CYBRD1: variants seen among roughly 807,000 people sequenced by gnomAD.
CYBRD1 encodes the protein plasma membrane ascorbate-dependent reductase CYBRD1.
Under a neutral mutation model 21.9 loss-of-function variants are expected in CYBRD1, and 14 were observed. That is an observed-to-expected ratio of 0.64 (90% CI 0.42 to 1.00). CYBRD1 has a LOEUF of 1.00. Ranked by LOEUF, CYBRD1 falls within the 50% of genes least tolerant of loss-of-function variation. CYBRD1 has a pLI of 0.00. For synonymous variants in CYBRD1, 146 were observed against 136.5 expected (o/e 1.07, Z -0.48); for missense variants, 328 against 352.5 (o/e 0.93, Z 0.56).
intron 1 of CYBRD1, chr2:171,523,334 G>T (rs1197594174): frequency 2.8e-6 from 1 of 359,274 alleles, no homozygotes; most frequent in Non-Finnish European, 5.6e-6. Context: ...GGCCAAGGGG[G>T]GCGAGTGAAG....
rs77063544 is a variant in CYBRD1, at chr2:171,537,874, A to G, written c.194-3711A>G. Among the ~76,000 whole-genome samples, 1,364 of 152,324 alleles carry G rather than the reference A, an allele frequency of 9.0e-3. 20 individuals are homozygous for G. The highest frequency in any genetic ancestry group is 0.028 in the African/African-American group (1,143 of 41,550). On this transcript the variant is annotated intron_variant, in intron 1 of 3. Coordinates refer to ENST00000321348, the MANE Select transcript of CYBRD1 (RefSeq NM_024843.4). ...ATTGAATGTTTTCAACAAAAAGAAAAGAGTTTGAGGTGATAAATATGCTAA... is the reference window on the plus strand; with the variant it reads ...ATTGAATGTTTTCAACAAAAAGAAAGGAGTTTGAGGTGATAAATATGCTAA...
At chr2:171,526,128 G>A (rs186688458) in intron 1 of CYBRD1, among the ~76,000 whole-genome samples, 20 of 152,108 alleles carry the variant, frequency 1.3e-4, no homozygotes, top group African/African-American at 4.8e-4. Flanking sequence ...TTAGCTGGGC[G>A]TGGTGGCAGG....
chr2:171,528,299 G>C (rs1697414264), intron 1 of CYBRD1, among the ~76,000 whole-genome samples: 2 of 151,890 alleles, frequency 1.3e-5, no homozygotes, highest in Non-Finnish European at 1.5e-5. Flanking sequence ...TGGTCAGGCT[G>C]GTCTTGAACT....
chr2:171,556,317 T>C lies in CYBRD1; in HGVS notation c.*1490T>C, dbSNP rs1286881387. On this transcript the variant is annotated 3_prime_UTR_variant, in exon 4 of 4. Coordinates refer to ENST00000321348, the MANE Select transcript of CYBRD1 (RefSeq NM_024843.4). Reference sequence around the variant, plus strand: ...CTGATTTTTATGGAATTTTAGGGGATATTTTGAGCTTTGGGTTCTCAGTAG... The same window carrying C: ...CTGATTTTTATGGAATTTTAGGGGACATTTTGAGCTTTGGGTTCTCAGTAG... 1 of 134,920 alleles carries C rather than the reference T, an allele frequency of 7.4e-6. No homozygotes were observed. Among genetic ancestry groups the C allele is most frequent in the African/African-American group, 2.9e-5 (1 of 34,690 alleles). The allele number at this position is 134,920 out of a possible 1,614,324, so 8.4% of individuals were successfully genotyped here.
intron 1 of CYBRD1, chr2:171,541,046 G>A (rs1281089218): frequency 1.8e-5 from 3 of 169,568 alleles, no homozygotes; most frequent in Admixed American, 5.7e-5. Context: ...TTACAGGCAT[G>A]AGCCACTGGG....
chr2:171,522,540 G>T lies in CYBRD1; in HGVS notation c.-6G>T. The T allele has an allele frequency of 1.9e-6, 3 of 1,592,974 alleles. No homozygotes were observed. The highest frequency in any genetic ancestry group is 2.6e-6 in the Non-Finnish European group (3 of 1,171,028). On this transcript the variant is annotated 5_prime_UTR_variant, in exon 1 of 4. Transcript: ENST00000321348. This position sits in a 1 kb window ranked among gnomAD's most constrained non-coding sequence, Gnocchi z 4.3. Reference sequence around the variant, plus strand: ...TGGCCCCCGCGGTGCGGAGTATGGGGCGCTGATGGCCATGGAGGGCTACTG... The same window carrying T: ...TGGCCCCCGCGGTGCGGAGTATGGGTCGCTGATGGCCATGGAGGGCTACTG...
chr2:171,551,045 C>A, intron 2 of CYBRD1: 1 of 220,994 alleles, frequency 4.5e-6, no homozygotes, highest in Non-Finnish European at 8.8e-6. Flanking sequence ...CAACCTCCAT[C>A]TCCAGGACTC....
At chr2:171,537,497 T>C (rs1697561889) in intron 1 of CYBRD1, among the ~76,000 whole-genome samples, 1 of 152,186 alleles carries the variant, frequency 6.6e-6, no homozygotes, top group Non-Finnish European at 1.5e-5. Context: ...ACAATACTTA[T>C]GGGTCACACA....
chr2:171,553,449 C>T lies in CYBRD1; in HGVS notation c.506C>T (p.Thr169Ile). 6.2e-7 allele frequency: 1 copy of T among 1,613,630 alleles called. No homozygotes were observed. The highest frequency in any genetic ancestry group is 8.5e-7 in the Non-Finnish European group (1 of 1,179,716). Residue 169 changes from threonine (T) to isoleucine (I), a missense_variant, in exon 3 of 4, where the codon ACA becomes ATA. Coordinates refer to ENST00000321348, the MANE Select transcript of CYBRD1 (RefSeq NM_024843.4). ...HVYSGIVIFG[T>I]VIATALMGLT... Reference sequence around the variant, plus strand: ...TATTCTGGAATTGTCATCTTTGGAACAGTGATTGCAACAGCACTTATGGGA... The same window carrying T: ...TATTCTGGAATTGTCATCTTTGGAATAGTGATTGCAACAGCACTTATGGGA...
intron 1 of CYBRD1, among the ~76,000 whole-genome samples, chr2:171,528,362 A>T (rs1697415288): frequency 6.6e-6 from 1 of 151,706 alleles, no homozygotes; most frequent in African/African-American, 2.4e-5. Context: ...TGGGATTAGA[A>T]GTGTGAGCCA....
At position 171,555,495 on chromosome 2, in the gene CYBRD1, A is replaced by C. The variant is rs1683469955; in HGVS notation, c.*668A>C. ...CTGGTCAGACTTGGAAGAATTTCCA[A>C]AACTGAAGTTAGCCCCAAGACTTCC... On this transcript the variant is annotated 3_prime_UTR_variant, in exon 4 of 4. Coordinates refer to ENST00000321348, the MANE Select transcript of CYBRD1 (RefSeq NM_024843.4). 6.6e-6 allele frequency: 1 copy of C among 152,628 alleles called. No individual in the cohort carries two copies. Among genetic ancestry groups the C allele is most frequent in the East Asian group, 1.9e-4 (1 of 5,178 alleles). 9.5% of individuals were successfully genotyped at this position (152,628 alleles called of 1,614,324 possible). A position where few individuals can be genotyped will look rare whatever the true frequency, so the allele number is the denominator to read the frequency against.
At position 171,554,628 on chromosome 2, in the gene CYBRD1, G is replaced by T; in HGVS notation, c.662G>T (p.Arg221Ile). ...GCCCTCATTTTTTGGATAGTCACCA[G>T]ACCGCAATGGAAACGTCCTAAGGAG... is the stretch of plus-strand genomic sequence containing the variant. ...FGALIFWIVTRPQWKRPKEPN... is the reference protein window; with the variant it reads ...FGALIFWIVTIPQWKRPKEPN... Residue 221 changes from arginine to isoleucine, a missense_variant, in exon 4 of 4, where the codon AGA (arginine) becomes ATA (isoleucine). Coordinates refer to ENST00000321348, the MANE Select transcript of CYBRD1 (RefSeq NM_024843.4). 6.2e-7 allele frequency: 1 copy of T among 1,614,036 alleles called. No homozygotes were observed. Among genetic ancestry groups the T allele is most frequent in the African/African-American group, 1.3e-5 (1 of 75,036 alleles).
intron 1 of CYBRD1, among the ~76,000 whole-genome samples, chr2:171,528,710 T>C (rs1697419924): frequency 6.6e-6 from 1 of 152,222 alleles, no homozygotes; most frequent in African/African-American, 2.4e-5. Flanking sequence ...AAATATCTGT[T>C]TGCCTACTCA....
intron 3 of CYBRD1, 60 bp downstream of exon 3, chr2:171,553,560 C>T (rs1337310109): frequency 6.9e-7 from 1 of 1,447,530 alleles, no homozygotes; most frequent in Non-Finnish European, 9.2e-7. Flanking sequence ...AATACTTGTT[C>T]ACTGGGAAAA....
intron 2 of CYBRD1, among the ~76,000 whole-genome samples, chr2:171,544,129 C>A (rs1328691015): frequency 5.3e-5 from 8 of 152,146 alleles, no homozygotes; most frequent in African/African-American, 1.9e-4. Context: ...ATGATGTATT[C>A]TTGTAGTTTT....
rs184008811 is a variant in CYBRD1 at position 171,536,357 on chromosome 2, T to C, written c.194-5228T>C. Reference sequence around the variant, plus strand: ...TCTGGTTCTGTTGCCCAGGCTGGAGTGCAGTGGTATTATCTCTGCTCGCTG... The same window carrying C: ...TCTGGTTCTGTTGCCCAGGCTGGAGCGCAGTGGTATTATCTCTGCTCGCTG... On this transcript the variant is annotated intron_variant, in intron 1 of 3. Transcript: ENST00000321348. Among the ~76,000 whole-genome samples the C allele has an allele frequency of 1.2e-3, 180 of 151,976 alleles. 4 individuals carry two copies. In the Middle Eastern group the frequency reaches 0.061, roughly 52 times the overall value.
At chr2:171,528,682 T>G (rs2105330247) in intron 1 of CYBRD1, among the ~76,000 whole-genome samples, 1 of 152,318 alleles carries the variant, frequency 6.6e-6, no homozygotes, top group Middle Eastern at 3.4e-3. Flanking sequence ...CCCAGACTCT[T>G]CCCTGAACTC....
chr2:171,553,140 G>A (rs910703157), intron 2 of CYBRD1, among the ~76,000 whole-genome samples: 3 of 152,156 alleles, frequency 2.0e-5, no homozygotes, highest in Admixed American at 2.0e-4. Flanking sequence ...ATATGTATAG[G>A]GATAATAAAT....
At chr2:171,543,641 GATTA>G (rs747028275) in intron 2 of CYBRD1, among the ~76,000 whole-genome samples, 9 of 151,982 alleles carry the variant, frequency 5.9e-5, no homozygotes, top group East Asian at 1.9e-4. Context: ...AAATAATATT[GATTA>G]ATTAAACAAG....
Sources: gnomAD v4.1 joint callset for allele counts (sites outside exome capture counted in the v4.1 genomes callset) on GRCh38, gnomAD v4.1.1 for gene constraint, Gnocchi (gnomAD v3.1) non-coding constraint, MANE v1.5 for transcripts, NCBI Gene and HGNC (gene_info 2026-07-23, HGNC 2026-07-21) for gene names.